The following JMY variants were observed in gnomAD, a reference collection of about 807,000 sequenced individuals.
The protein encoded by JMY is junction mediating and regulatory protein, p53 cofactor, also known as junction-mediating and -regulatory protein.
Under a neutral mutation model 103.3 loss-of-function variants are expected in JMY, and 46 were observed. That is an observed-to-expected ratio of 0.45 (90% CI 0.35 to 0.57). The LOEUF is 0.57. Ranked by LOEUF, JMY falls within the 20% of genes least tolerant of loss-of-function variation. JMY has a pLI of 0.00. For missense variants in JMY, 1,238 were observed against 1,255.2 expected, an observed-to-expected ratio of 0.99 and a Z score of 0.21; for synonymous variants, 526 against 489.3, an observed-to-expected ratio of 1.07 and a Z score of -0.99.
chr5:79,241,928 G>A (rs1478127554), intron 1 of JMY, among the ~76,000 whole-genome samples: 2 of 152,092 alleles, frequency 1.3e-5, no homozygotes, highest in Non-Finnish European at 2.9e-5. Flanking sequence ...TTGTATTAGT[G>A]TATGTGCGTT....
chr5:79,311,977 C>T (rs905714519), intron 7 of JMY, among the ~76,000 whole-genome samples: 2 of 152,072 alleles, frequency 1.3e-5, no homozygotes, highest in East Asian at 1.9e-4. Flanking sequence ...TCACCACGAC[C>T]GGCTAATTTT....
At chr5:79,269,873 A>G (rs911381878) in intron 1 of JMY, among the ~76,000 whole-genome samples, 8 of 152,012 alleles carry the variant, frequency 5.3e-5, no homozygotes, top group Non-Finnish European at 1.5e-5. Flanking sequence ...GACTGCAGGC[A>G]TGTGCTACCG....
chr5:79,289,060 C>G (rs1746347988), intron 2 of JMY, among the ~76,000 whole-genome samples: 1 of 151,642 alleles, frequency 6.6e-6, no homozygotes, highest in South Asian at 2.1e-4. Context: ...CATGACAAAA[C>G]CCCATCTATA....
chr5:79,288,290 C>A (rs1228410094), intron 2 of JMY, among the ~76,000 whole-genome samples: 2 of 152,132 alleles, frequency 1.3e-5, no homozygotes, highest in Non-Finnish European at 2.9e-5. Flanking sequence ...TTAGCAGGCA[C>A]AAAAATTTTT....
chr5:79,266,576 G>C (rs2255913), intron 1 of JMY, among the ~76,000 whole-genome samples: 71,329 of 151,980 alleles, frequency 0.47, 17,349 homozygotes, highest in African/African-American at 0.61. Flanking sequence ...CATTTATCCT[G>C]TTTTTGTGTT....
At chr5:79,278,171 A>T (rs955430565) in intron 2 of JMY, 88 bp downstream of exon 2, 26 of 37,312 alleles carry the variant, frequency 7.0e-4, no homozygotes, top group East Asian at 1.2e-3. Context: ...GAGGAACTTT[A>T]AAAAAAAAAA....
chr5:79,285,124 A>G (rs982104424), intron 2 of JMY, among the ~76,000 whole-genome samples: 21 of 152,326 alleles, frequency 1.4e-4, no homozygotes, highest in African/African-American at 5.1e-4. Context: ...AATAAGCTAG[A>G]AACTGGAAGG....
chr5:79,318,000 CAA>C (rs1747292671), intron 10 of JMY, among the ~76,000 whole-genome samples: 1 of 151,918 alleles, frequency 6.6e-6, no homozygotes. Context: ...AGTAGAACAA[CAA>C]AGAAAAAAAA....
At chr5:79,283,565 T>A (rs1346011836) in intron 2 of JMY, among the ~76,000 whole-genome samples, 1 of 152,236 alleles carries the variant, frequency 6.6e-6, no homozygotes, top group Non-Finnish European at 1.5e-5. Flanking sequence ...CCAGGAAGTC[T>A]TTCTGAGATA....
intron 1 of JMY, among the ~76,000 whole-genome samples, chr5:79,263,819 CAG>C (rs988461705): frequency 6.7e-5 from 10 of 149,914 alleles, no homozygotes; most frequent in Admixed American, 4.0e-4. Context: ...TTTTTTGAAA[CAG>C]AGTTTCACTC....
intron 2 of JMY, chr5:79,284,913 C>G: frequency 1.3e-6 from 2 of 1,541,964 alleles, no homozygotes; most frequent in Non-Finnish European, 8.9e-7. Flanking sequence ...TCTTGCCAAC[C>G]GCCATGGTGC....
chr5:79,315,191 T>G (rs1221050765), intron 9 of JMY, among the ~76,000 whole-genome samples: 1 of 152,202 alleles, frequency 6.6e-6, no homozygotes, highest in Non-Finnish European at 1.5e-5. Flanking sequence ...GGGTAAGATA[T>G]CTGGTAAGGA....
chr5:79,315,267 T>C (rs985725853), intron 9 of JMY, among the ~76,000 whole-genome samples: 1 of 152,208 alleles, frequency 6.6e-6, no homozygotes, highest in Non-Finnish European at 1.5e-5. Flanking sequence ...TTGAGGACTT[T>C]TGTGTATTTG....
At chr5:79,309,467 C>T (rs1337616791) in intron 7 of JMY, among the ~76,000 whole-genome samples, 1 of 152,198 alleles carries the variant, frequency 6.6e-6, no homozygotes, top group Admixed American at 6.5e-5. Context: ...TATATATTAT[C>T]CTGACAGTCA....
intron 1 of JMY, among the ~76,000 whole-genome samples, chr5:79,249,210 T>C (rs945831650): frequency 2.6e-5 from 4 of 151,232 alleles, no homozygotes; most frequent in African/African-American, 9.7e-5. Flanking sequence ...TTAGTAGAAA[T>C]GGAGTTTTGC....
intron 1 of JMY, among the ~76,000 whole-genome samples, chr5:79,245,072 A>C (rs1327479805): frequency 6.6e-6 from 1 of 152,176 alleles, no homozygotes; most frequent in African/African-American, 2.4e-5. Flanking sequence ...AATTCTATAT[A>C]GTAGACTCTT....
intron 1 of JMY, among the ~76,000 whole-genome samples, chr5:79,277,159 AT>A (rs1745965365): frequency 6.6e-6 from 1 of 152,166 alleles, no homozygotes; most frequent in African/African-American, 2.4e-5. Context: ...TTATTTAAAA[AT>A]TGTTTTCTGT....
chr5:79,280,346 G>A (rs1746070953), intron 2 of JMY, among the ~76,000 whole-genome samples: 1 of 152,114 alleles, frequency 6.6e-6, no homozygotes, highest in South Asian at 2.1e-4. Flanking sequence ...TTTGTATTGG[G>A]TATTAATATT....
In JMY at chr5:79,236,572, G is replaced by A; in HGVS notation, c.-79G>A. The A allele has an allele frequency of 8.5e-7, 1 of 1,170,424 alleles. No homozygotes were observed. Among genetic ancestry groups the A allele is most frequent in the African/African-American group, 1.6e-5 (1 of 62,148 alleles). 72.5% of individuals were successfully genotyped at this position (1,170,424 alleles called of 1,614,324 possible). A position where few individuals can be genotyped will look rare whatever the true frequency, so the allele number is the denominator to read the frequency against. The stretch of plus-strand genomic sequence containing the variant: ...AAGGCGCCCGGCGAGGGTGAGCGGG[G>A]GGCGCGGCGCAGCCAGCGGGGAGTC... On this transcript the variant is annotated 5_prime_UTR_variant, in exon 1 of 11. Coordinates refer to ENST00000396137, the MANE Select transcript of JMY (RefSeq NM_152405.5).
Sources: allele counts gnomAD v4.1 joint callset (sites outside exome capture counted in the v4.1 genomes callset), GRCh38; gene constraint gnomAD v4.1.1; transcripts MANE v1.5; gene names NCBI Gene and HGNC (gene_info 2026-07-23, HGNC 2026-07-21).